Variants in ZNF704 observed in about 807,000 individuals in gnomAD.
ZNF704 encodes the protein zinc finger protein 704.
A neutral mutation model predicts 44.7 loss-of-function variants in ZNF704; 10 were observed. That is an observed-to-expected ratio of 0.22 (90% CI 0.14 to 0.38). ZNF704 has a LOEUF of 0.38. Among genes scored for constraint, ZNF704 ranks in the 10% least tolerant of loss-of-function variants. The pLI is 1.00. For synonymous variants in ZNF704, 211 were observed against 207.6 expected, an observed-to-expected ratio of 1.02 and a Z score of -0.14; for missense variants, 390 against 545.5, an observed-to-expected ratio of 0.71 and a Z score of 2.84.
intron 7 of ZNF704, among the ~76,000 whole-genome samples, chr8:80,655,163 G>A (rs984281716): frequency 2.6e-5 from 4 of 151,924 alleles, no homozygotes; most frequent in African/African-American, 7.3e-5. Context: ...GACACAGGAA[G>A]GGGAACATCA....
intron 1 of ZNF704, chr8:80,873,399 C>G (rs1809291729): frequency 6.6e-6 from 1 of 152,454 alleles, no homozygotes; most frequent in Non-Finnish European, 1.5e-5. Context: ...GCGCGGCCGC[C>G]CGCGCCGCCT....
At chr8:80,826,079 AGC>A in intron 1 of ZNF704, among the ~76,000 whole-genome samples, 1 of 152,152 alleles carries the variant, frequency 6.6e-6, no homozygotes, top group African/African-American at 2.4e-5. Context: ...CTAAGATCAG[AGC>A]AGAACTGAAA....
At chr8:80,736,785 T>C (rs1344944273) in intron 2 of ZNF704, among the ~76,000 whole-genome samples, 1 of 152,094 alleles carries the variant, frequency 6.6e-6, no homozygotes, top group Non-Finnish European at 1.5e-5. Flanking sequence ...ATCTCAGGAA[T>C]CACCACTAAA....
At chr8:80,856,944 G>A (rs537148083) in intron 1 of ZNF704, among the ~76,000 whole-genome samples, 12 of 152,246 alleles carry the variant, frequency 7.9e-5, no homozygotes, top group African/African-American at 2.6e-4. Flanking sequence ...AATTTCTGGA[G>A]AACTGACATC....
chr8:80,822,756 G>T (rs993759756), intron 1 of ZNF704, among the ~76,000 whole-genome samples: 4 of 152,100 alleles, frequency 2.6e-5, no homozygotes, highest in Non-Finnish European at 4.4e-5. Context: ...GTGTGAGATG[G>T]TATCTCATTG....
At chr8:80,861,171 AGAGT>A (rs1356491200) in intron 1 of ZNF704, among the ~76,000 whole-genome samples, 1 of 152,352 alleles carries the variant, frequency 6.6e-6, no homozygotes, top group East Asian at 1.9e-4. Flanking sequence ...ACAAAAAGAA[AGAGT>A]GAGGAAAGAA....
At chr8:80,674,370 G>C (rs185064918) in intron 4 of ZNF704, among the ~76,000 whole-genome samples, 6 of 152,290 alleles carry the variant, frequency 3.9e-5, no homozygotes, top group Admixed American at 2.6e-4. Context: ...CTGATGCTGG[G>C]TATAAAGAAA....
chr8:80,656,258 T>G (rs371711131), intron 7 of ZNF704, among the ~76,000 whole-genome samples: 80 of 152,126 alleles, frequency 5.3e-4, no homozygotes, highest in African/African-American at 1.8e-3. Flanking sequence ...CAGGAAGGGG[T>G]CTTCACCAGA....
intron 2 of ZNF704, 61 bp from the exon 3 acceptor site, chr8:80,693,168 G>T: frequency 7.2e-7 from 1 of 1,385,772 alleles, no homozygotes. Context: ...GGCCACACAA[G>T]GTGTGACACG....
At chr8:80,758,101 G>T (rs1219457555) in intron 2 of ZNF704, among the ~76,000 whole-genome samples, 1 of 152,160 alleles carries the variant, frequency 6.6e-6, no homozygotes, top group African/African-American at 2.4e-5. Context: ...GGAGCAATTT[G>T]TATCAATATC....
chr8:80,824,251 A>C (rs1808330644), intron 1 of ZNF704, among the ~76,000 whole-genome samples: 1 of 152,248 alleles, frequency 6.6e-6, no homozygotes, highest in Non-Finnish European at 1.5e-5. Flanking sequence ...TGGAGCTGAA[A>C]ACCATGGCAC....
rs567437939 is a variant in ZNF704 at position 80,863,597 on chromosome 8, C to T, written c.-22+10974G>A. On this transcript the variant is annotated intron_variant, in intron 1 of 8. Transcript: ENST00000327835. ...ATCTATAAAATGGGGATAATAATATCCACCTCTCAAGGTTATCAAGAAGAT... is the reference window on the plus strand; with the variant it reads ...ATCTATAAAATGGGGATAATAATATTCACCTCTCAAGGTTATCAAGAAGAT... Among the ~76,000 whole-genome samples the T allele has an allele frequency of 4.6e-5, 7 of 152,262 alleles. No individual in the cohort carries two copies. The South Asian group carries it at 1.2e-3, about 27-fold the overall frequency.
intron 2 of ZNF704, among the ~76,000 whole-genome samples, chr8:80,800,962 G>A (rs905765453): frequency 6.6e-6 from 1 of 152,096 alleles, no homozygotes; most frequent in African/African-American, 2.4e-5. Flanking sequence ...AAGGGATGGA[G>A]GAAAATGTAC....
At chr8:80,791,323 C>T (rs574325057) in intron 2 of ZNF704, among the ~76,000 whole-genome samples, 17 of 152,334 alleles carry the variant, frequency 1.1e-4, no homozygotes, top group African/African-American at 3.8e-4. Context: ...TAGTGTATCA[C>T]TAGCCATCCC....
At chr8:80,705,573 C>T (rs571523379) in intron 2 of ZNF704, among the ~76,000 whole-genome samples, 45 of 150,966 alleles carry the variant, frequency 3.0e-4, no homozygotes, top group Non-Finnish European at 5.8e-4. Flanking sequence ...GTGTGTGTTT[C>T]GGTCCTGTGT....
intron 1 of ZNF704, among the ~76,000 whole-genome samples, chr8:80,868,502 T>C (rs1264341788): frequency 6.6e-6 from 1 of 152,226 alleles, no homozygotes; most frequent in Non-Finnish European, 1.5e-5. Context: ...GCACAGGCTA[T>C]GGATGTGAGC....
At chr8:80,768,255 GGTTT>G (rs930104421) in intron 2 of ZNF704, among the ~76,000 whole-genome samples, 1 of 151,950 alleles carries the variant, frequency 6.6e-6, no homozygotes, top group African/African-American at 2.4e-5. Flanking sequence ...AAACTAATTA[GGTTT>G]TTTTTTCCTT....
chr8:80,710,474 G>A (rs1818967484), intron 2 of ZNF704, among the ~76,000 whole-genome samples: 1 of 152,150 alleles, frequency 6.6e-6, no homozygotes, highest in African/African-American at 2.4e-5. Context: ...ACTACAGTAT[G>A]TATGTGTTAC....
At chr8:80,881,203 A>G in the ZNF704 span, among the ~76,000 whole-genome samples, 2 of 152,272 alleles carry the variant, frequency 1.3e-5, no homozygotes, top group South Asian at 2.1e-4. Context: ...GGCACAAAGG[A>G]ATACAGAGAG....
Sources: gnomAD v4.1 joint callset for allele counts (sites outside exome capture counted in the v4.1 genomes callset) on GRCh38, gnomAD v4.1.1 for gene constraint, MANE v1.5 for transcripts, NCBI Gene and HGNC (gene_info 2026-07-23, HGNC 2026-07-21) for gene names.